Variants in AHCYL2 observed in about 807,000 individuals in gnomAD.
The protein encoded by AHCYL2 is adenosylhomocysteinase like 2, also known as S-adenosylhomocysteine hydrolase-like protein 2.
A neutral mutation model predicts 81.4 loss-of-function variants in AHCYL2; 28 were observed. That is an observed-to-expected ratio of 0.34 (90% CI 0.25 to 0.47). The LOEUF is 0.47. Ranked by LOEUF, AHCYL2 falls within the 20% of genes least tolerant of loss-of-function variation. The pLI, the probability that AHCYL2 is intolerant of heterozygous loss-of-function variation, is 1.00. For missense variants in AHCYL2, 551 were observed against 785.1 expected (o/e 0.70, Z 3.56); for synonymous variants, 272 against 290.2 (o/e 0.94, Z 0.64).
At chr7:129,305,419 C>A (rs1797404999) in intron 1 of AHCYL2, among the ~76,000 whole-genome samples, 1 of 152,054 alleles carries the variant, frequency 6.6e-6, no homozygotes, top group South Asian at 2.1e-4. Context: ...GAAATCGTGC[C>A]ACTGGACTCC....
intron 1 of AHCYL2, among the ~76,000 whole-genome samples, chr7:129,300,207 C>T (rs1237625697): frequency 6.6e-6 from 1 of 152,032 alleles, no homozygotes; most frequent in Non-Finnish European, 1.5e-5. Flanking sequence ...TATAGTTACC[C>T]TGTTGTGCTA....
intron 4 of AHCYL2, among the ~76,000 whole-genome samples, chr7:129,394,500 T>C (rs769277270): frequency 7.4e-6 from 1 of 134,816 alleles, no homozygotes; most frequent in East Asian, 2.3e-4. Context: ...CAGGCTGGAG[T>C]GCAACGGTGC....
At chr7:129,331,869 AT>A (rs1026208279) in intron 1 of AHCYL2, among the ~76,000 whole-genome samples, 13 of 149,368 alleles carry the variant, frequency 8.7e-5, no homozygotes, top group African/African-American at 2.9e-4. Context: ...TAATTAAAAA[AT>A]ATATATATAT....
intron 11 of AHCYL2, among the ~76,000 whole-genome samples, chr7:129,411,672 T>C (rs35866224): frequency 0.28 from 42,787 of 151,378 alleles, 7,417 homozygotes; most frequent in East Asian, 0.59. Flanking sequence ...GGCAGGAGAA[T>C]TGCTTGAACC....
intron 1 of AHCYL2, chr7:129,351,421 T>A (rs1232414144): frequency 3.9e-5 from 6 of 152,172 alleles, no homozygotes; most frequent in African/African-American, 1.4e-4. Flanking sequence ...CCTGATGACG[T>A]CATCACACAT....
chr7:129,240,510 G>A (rs1221929313), intron 1 of AHCYL2, among the ~76,000 whole-genome samples: 2 of 152,070 alleles, frequency 1.3e-5, no homozygotes, highest in East Asian at 1.9e-4. Flanking sequence ...AAAACAGACG[G>A]GCTGCCATTG....
intron 7 of AHCYL2, among the ~76,000 whole-genome samples, chr7:129,404,539 G>A (rs1796207082): frequency 6.6e-6 from 1 of 152,142 alleles, no homozygotes; most frequent in African/African-American, 2.4e-5. Context: ...GCTGAGTGTG[G>A]TGGCGGGCGC....
At chr7:129,383,212 C>A (rs1054521343) in intron 2 of AHCYL2, among the ~76,000 whole-genome samples, 1 of 151,826 alleles carries the variant, frequency 6.6e-6, no homozygotes, top group African/African-American at 2.4e-5. Context: ...GTTGTCCAGG[C>A]TGGAGTGTAG....
intron 1 of AHCYL2, among the ~76,000 whole-genome samples, chr7:129,291,901 G>A (rs573692482): frequency 2.6e-5 from 4 of 151,998 alleles, no homozygotes; most frequent in Middle Eastern, 3.4e-3. Flanking sequence ...CACTGCGCCC[G>A]GCCCAAAGTC....
chr7:129,375,538 G>C (rs1456013304), intron 1 of AHCYL2: 2 of 998,274 alleles, frequency 2.0e-6, no homozygotes, highest in Non-Finnish European at 2.5e-6. Context: ...GCGCATGCAA[G>C]TTGGGCCTTG....
chr7:129,418,467 T>C (rs1043691342), intron 12 of AHCYL2, among the ~76,000 whole-genome samples: 2 of 152,040 alleles, frequency 1.3e-5, no homozygotes, highest in Non-Finnish European at 2.9e-5. Context: ...GCCTGGCAGA[T>C]TTTTTGTGTT....
chr7:129,267,233 G>GTGTGTGTGTGTGTA lies in AHCYL2; in HGVS notation c.363+41807_363+41808insATGTGTGTGTGTGT, dbSNP rs1554472010. On this transcript the variant is annotated intron_variant, in intron 1 of 16. Transcript: ENST00000325006. ...AAGTTATTGAGTTCACTCAAGGGGT[G>GTGTGTGTGTGTGTA]TGTGTGTGTGTGTGTGTGTGTGTGT... Among the ~76,000 whole-genome samples the GTGTGTGTGTGTGTA allele has an allele frequency of 2.3e-4, 24 of 103,478 alleles. 1 individual carries two copies. The East Asian group carries it at 5.6e-3, about 24-fold the overall frequency. The allele number at this position is 103,478 out of a possible 152,430, so 67.9% of individuals were successfully genotyped here.
At chr7:129,403,720 C>G (rs577503629) in intron 7 of AHCYL2, among the ~76,000 whole-genome samples, 6 of 151,690 alleles carry the variant, frequency 4.0e-5, no homozygotes, top group African/African-American at 1.4e-4. Flanking sequence ...AAAAATTAGC[C>G]TGGTGTGGTG....
intron 1 of AHCYL2, among the ~76,000 whole-genome samples, chr7:129,278,044 T>A (rs1307376670): frequency 6.6e-6 from 1 of 152,180 alleles, no homozygotes; most frequent in East Asian, 1.9e-4. Flanking sequence ...TCCCACCAGG[T>A]TTGAATTCCT....
At chr7:129,357,645 GC>G (rs539621653) in intron 1 of AHCYL2, among the ~76,000 whole-genome samples, 39 of 152,130 alleles carry the variant, frequency 2.6e-4, no homozygotes, top group Non-Finnish European at 4.7e-4. Flanking sequence ...ATAAAAATGT[GC>G]TTGGTGGGCC....
chr7:129,370,641 T>C (rs1316084449), intron 1 of AHCYL2, among the ~76,000 whole-genome samples: 2 of 152,174 alleles, frequency 1.3e-5, no homozygotes, highest in African/African-American at 2.4e-5. Context: ...GAGCTTACAG[T>C]GAGCTGAGAT....
intron 1 of AHCYL2, among the ~76,000 whole-genome samples, chr7:129,265,430 G>A (rs1265974004): frequency 2.6e-5 from 4 of 152,098 alleles, no homozygotes; most frequent in Admixed American, 2.6e-4. Context: ...AGAGATGAGG[G>A]AGTTGAATGG....
chr7:129,233,397 C>T (rs1021182152), intron 1 of AHCYL2, among the ~76,000 whole-genome samples: 1 of 152,014 alleles, frequency 6.6e-6, no homozygotes, highest in South Asian at 2.1e-4. Context: ...TGCAGGTCTC[C>T]AATTCTCGGG....
chr7:129,324,869 G>A (rs911144379), intron 1 of AHCYL2, among the ~76,000 whole-genome samples: 1 of 152,130 alleles, frequency 6.6e-6, no homozygotes, highest in African/African-American at 2.4e-5. Flanking sequence ...AGGGTTTGTG[G>A]TGTAAATGGT....
Sources: allele counts gnomAD v4.1 joint callset (sites outside exome capture counted in the v4.1 genomes callset), GRCh38; gene constraint gnomAD v4.1.1; transcripts MANE v1.5; gene names NCBI Gene and HGNC (gene_info 2026-07-23, HGNC 2026-07-21).